The following ANTXR2 variants were observed in gnomAD, a reference collection of about 807,000 sequenced individuals.
ANTXR2 encodes ANTXR cell adhesion molecule 2.
ANTXR2 carries 44 observed loss-of-function variants against 73.7 expected under a neutral mutation model. That is an observed-to-expected ratio of 0.60 (90% CI 0.47 to 0.77). ANTXR2 has a LOEUF of 0.77. Among genes scored for constraint, ANTXR2 ranks in the 30% least tolerant of loss-of-function variants. ANTXR2 has a pLI of 0.00. For missense variants in ANTXR2, 604 were observed against 592.5 expected (o/e 1.02, Z -0.20); for synonymous variants, 217 against 205.9 (o/e 1.05, Z -0.46).
Position 79,927,615 on chromosome 4 carries a change from T to C in ANTXR2, c.1429-20148A>G, listed in dbSNP as rs1033511556. Among the ~76,000 whole-genome samples, 10 of 152,334 alleles carry C rather than the reference T, an allele frequency of 6.6e-5. No homozygotes were observed. The East Asian group carries it at 1.5e-3, about 23-fold the overall frequency. Reference sequence around the variant, plus strand: ...GAAATTTGTATTATTTTTATCGTTATAGTATTATTTGGTTGATTGAATCTG... The same window carrying C: ...GAAATTTGTATTATTTTTATCGTTACAGTATTATTTGGTTGATTGAATCTG... On this transcript the variant is annotated intron_variant, in intron 16 of 16. Transcript: ENST00000403729.
At chr4:79,907,533 T>C in intron 16 of ANTXR2, 66 bp from the exon 17 acceptor site, 1 of 1,467,338 alleles carries the variant, frequency 6.8e-7, no homozygotes, top group Non-Finnish European at 9.5e-7. Context: ...TGAGAACATC[T>C]AGTTTTCCTA....
At chr4:80,019,361 T>C (rs977495362) in intron 10 of ANTXR2, among the ~76,000 whole-genome samples, 3 of 152,112 alleles carry the variant, frequency 2.0e-5, no homozygotes, top group Non-Finnish European at 4.4e-5. Context: ...ACAGCGAGAC[T>C]CAGTCTCAAA....
intron 16 of ANTXR2, among the ~76,000 whole-genome samples, chr4:79,955,563 G>A (rs949696166): frequency 2.0e-5 from 3 of 152,088 alleles, no homozygotes; most frequent in Admixed American, 6.6e-5. Flanking sequence ...CCTCCTCTCT[G>A]AGGGCAATGT....
At chr4:79,974,448 G>T (rs1483282262) in intron 16 of ANTXR2, among the ~76,000 whole-genome samples, 1 of 151,932 alleles carries the variant, frequency 6.6e-6, no homozygotes, top group Non-Finnish European at 1.5e-5. Context: ...GAAAAAGTGG[G>T]GTTTTAGTTA....
At chr4:80,028,073 A>G (rs954211987) in intron 10 of ANTXR2, among the ~76,000 whole-genome samples, 1 of 152,094 alleles carries the variant, frequency 6.6e-6, no homozygotes, top group Non-Finnish European at 1.5e-5. Context: ...GTGTTCATCC[A>G]AAAAAATAGA....
intron 11 of ANTXR2, among the ~76,000 whole-genome samples, chr4:80,013,885 AAATTG>A: frequency 6.6e-6 from 1 of 152,230 alleles, no homozygotes; most frequent in South Asian, 2.1e-4. Flanking sequence ...TCAACCTGAA[AAATTG>A]AATTGTAGTA....
chr4:79,919,005 T>C (rs1196885167), intron 16 of ANTXR2, among the ~76,000 whole-genome samples: 1 of 152,092 alleles, frequency 6.6e-6, no homozygotes, highest in African/African-American at 2.4e-5. Context: ...AGTATATTGT[T>C]ATTTCCTGAG....
intron 16 of ANTXR2, among the ~76,000 whole-genome samples, chr4:79,943,913 A>G (rs542986922): frequency 6.6e-6 from 1 of 150,692 alleles, no homozygotes; most frequent in East Asian, 2.0e-4. Flanking sequence ...TGCAAAAGTT[A>G]TCATGAGTTT....
chr4:80,002,953 A>C (rs1365062283), intron 12 of ANTXR2, among the ~76,000 whole-genome samples: 1 of 129,158 alleles, frequency 7.7e-6, no homozygotes, highest in African/African-American at 2.6e-5. Flanking sequence ...ACACTTTTAC[A>C]CTGTTGGTGG....
rs1483876420 is a variant in ANTXR2 at position 79,905,999 on chromosome 4, C to T, written c.*1430G>A. The T allele has an allele frequency of 2.6e-5, 4 of 152,586 alleles. No homozygotes were observed. Among genetic ancestry groups the T allele is most frequent in the Admixed American group, 6.6e-5 (1 of 15,264 alleles). 9.5% of individuals were successfully genotyped at this position (152,586 alleles called of 1,614,324 possible). On this transcript the variant is annotated 3_prime_UTR_variant, in exon 17 of 17. Coordinates refer to ENST00000403729, the MANE Select transcript of ANTXR2 (RefSeq NM_058172.6). ...TTGTCTATACCAGTTCACATCAAAG[C>T]AGGCGCACTTTGTCAGGTTTCCACT...
chr4:80,070,002 T>C (rs1734709518), intron 2 of ANTXR2, among the ~76,000 whole-genome samples: 1 of 152,168 alleles, frequency 6.6e-6, no homozygotes, highest in Non-Finnish European at 1.5e-5. Flanking sequence ...AAAGAAACAA[T>C]AAATCACTTT....
intron 14 of ANTXR2, among the ~76,000 whole-genome samples, chr4:79,983,636 C>T (rs1216686581): frequency 6.6e-6 from 1 of 151,846 alleles, no homozygotes; most frequent in Non-Finnish European, 1.5e-5. Context: ...TTGTTTTGTC[C>T]CTTAGAATTC....
At chr4:79,928,017 C>T (rs758609439) in intron 16 of ANTXR2, among the ~76,000 whole-genome samples, 3 of 152,060 alleles carry the variant, frequency 2.0e-5, no homozygotes, top group Admixed American at 2.0e-4. Flanking sequence ...TGTGTATACA[C>T]CTAAAAGAGC....
intron 12 of ANTXR2, among the ~76,000 whole-genome samples, chr4:80,001,179 A>T (rs1316624394): frequency 3.3e-5 from 5 of 150,610 alleles, no homozygotes; most frequent in Admixed American, 1.3e-4. Flanking sequence ...ATTTTTTTTT[A>T]TTATACTTTA....
At chr4:79,926,688 A>G (rs1727793184) in intron 16 of ANTXR2, among the ~76,000 whole-genome samples, 1 of 152,122 alleles carries the variant, frequency 6.6e-6, no homozygotes, top group Non-Finnish European at 1.5e-5. Context: ...ACTCTAACTT[A>G]TTATCTAAGT....
chr4:79,919,066 A>G lies in ANTXR2; in HGVS notation c.1429-11599T>C, dbSNP rs756359782. ...AATGGCTAAAAAGATAACAGAGGAG[A>G]TAGAACATAGAAGAAAAAAATTGTT... is the stretch of plus-strand genomic sequence containing the variant. On this transcript the variant is annotated intron_variant, in intron 16 of 16. Transcript: ENST00000403729. 7.2e-5 allele frequency among the ~76,000 whole-genome samples: 11 copies of G among 152,116 alleles called. 1 individual carries two copies. Among genetic ancestry groups the G allele is most frequent in the Admixed American group, 2.6e-4 (4 of 15,240 alleles).
chr4:80,048,224 A>G (rs546401837), intron 7 of ANTXR2, among the ~76,000 whole-genome samples: 19 of 150,920 alleles, frequency 1.3e-4, no homozygotes, highest in African/African-American at 3.9e-4. Context: ...AGAAATATGA[A>G]TTAAGCAATG....
intron 14 of ANTXR2, among the ~76,000 whole-genome samples, chr4:79,981,951 G>A (rs1489917346): frequency 6.6e-6 from 1 of 152,130 alleles, no homozygotes; most frequent in African/African-American, 2.4e-5. Context: ...TTGAATTATA[G>A]GTTAGTTAGG....
At chr4:79,949,642 T>G (rs936376885) in intron 16 of ANTXR2, among the ~76,000 whole-genome samples, 1 of 152,110 alleles carries the variant, frequency 6.6e-6, no homozygotes, top group South Asian at 2.1e-4. Flanking sequence ...AAGCTCTGAG[T>G]TTAAATGTCA....
Sources: allele counts gnomAD v4.1 joint callset (sites outside exome capture counted in the v4.1 genomes callset), GRCh38; gene constraint gnomAD v4.1.1; transcripts MANE v1.5; gene names NCBI Gene and HGNC (gene_info 2026-07-23, HGNC 2026-07-21).